The following SLC8A1 variants were observed in gnomAD, a reference collection of about 807,000 sequenced individuals.
The protein encoded by SLC8A1 is solute carrier family 8 member A1, also known as sodium/calcium exchanger 1.
In SLC8A1, 18 loss-of-function variants were observed where a neutral mutation model predicts 68.3. That is an observed-to-expected ratio of 0.26 (90% CI 0.18 to 0.39). The LOEUF is 0.39. Among genes scored for constraint, SLC8A1 ranks in the 10% least tolerant of loss-of-function variants. The probability of loss-of-function intolerance (pLI) is 1.00; values close to 1 mark genes in which losing one functional copy is unlikely to be tolerated. For missense variants in SLC8A1, 985 were observed against 1,156.7 expected (o/e 0.85, Z 2.15); for synonymous variants, 475 against 415.5 (o/e 1.14, Z -1.74).
At chr2:40,467,810 A>G (rs1423521031) in intron 1 of SLC8A1, among the ~76,000 whole-genome samples, 1 of 152,186 alleles carries the variant, frequency 6.6e-6, no homozygotes, top group Non-Finnish European at 1.5e-5. Flanking sequence ...TAATGATATT[A>G]AATTTTATGG....
chr2:40,342,137 A>G (rs1467057433), intron 2 of SLC8A1, among the ~76,000 whole-genome samples: 2 of 152,124 alleles, frequency 1.3e-5, no homozygotes, highest in African/African-American at 4.8e-5. Context: ...TTTGCCTGGT[A>G]GAGATACAAA....
chr2:40,306,266 C>G (rs1249751805), intron 2 of SLC8A1, among the ~76,000 whole-genome samples: 1 of 152,136 alleles, frequency 6.6e-6, no homozygotes, highest in Non-Finnish European at 1.5e-5. Flanking sequence ...AATGGCAGAG[C>G]TGAGAAAAGA....
chr2:40,510,577 C>T (rs1364791811), intron 1 of SLC8A1, among the ~76,000 whole-genome samples: 1 of 152,080 alleles, frequency 6.6e-6, no homozygotes, highest in African/African-American at 2.4e-5. Flanking sequence ...GAGAAGCCGG[C>T]TGGTATATAG....
At chr2:40,281,782 A>G (rs1307970863) in intron 2 of SLC8A1, among the ~76,000 whole-genome samples, 1 of 152,240 alleles carries the variant, frequency 6.6e-6, no homozygotes, top group Non-Finnish European at 1.5e-5. Flanking sequence ...ACCCATTCTC[A>G]GGGGAATTTC....
intron 2 of SLC8A1, among the ~76,000 whole-genome samples, chr2:40,273,625 C>CT (rs1468118049): frequency 6.6e-6 from 1 of 152,098 alleles, no homozygotes; most frequent in Non-Finnish European, 1.5e-5. Context: ...TATAATAGGG[C>CT]TTTTTTAAAA....
chr2:40,417,584 C>T (rs1694256011), intron 2 of SLC8A1, among the ~76,000 whole-genome samples: 1 of 152,118 alleles, frequency 6.6e-6, no homozygotes, highest in Admixed American at 6.6e-5. Flanking sequence ...TCACAGCTCA[C>T]TGCAACCTAG....
At chr2:40,294,410 G>T (rs1416408302) in intron 2 of SLC8A1, among the ~76,000 whole-genome samples, 1 of 152,070 alleles carries the variant, frequency 6.6e-6, no homozygotes, top group African/African-American at 2.4e-5. Context: ...AGTTGTAGGG[G>T]ACCACAGAGG....
chr2:40,421,999 C>T (rs1283610283), intron 2 of SLC8A1, among the ~76,000 whole-genome samples: 1 of 152,168 alleles, frequency 6.6e-6, no homozygotes, highest in East Asian at 1.9e-4. Flanking sequence ...CACCAGAAAT[C>T]CAGGGCAGGA....
intron 2 of SLC8A1, among the ~76,000 whole-genome samples, chr2:40,428,058 T>C (rs1246192459): frequency 2.0e-5 from 3 of 152,144 alleles, no homozygotes; most frequent in South Asian, 2.1e-4. Flanking sequence ...GTTTTCCCAA[T>C]TTGTACTCAG....
In SLC8A1 at chr2:40,330,314, A is replaced by G. The variant is rs1423650414; in HGVS notation, c.1808+98159T>C. 2.6e-5 allele frequency among the ~76,000 whole-genome samples: 4 copies of G among 152,312 alleles called. No individual in the cohort carries two copies. In the East Asian group the frequency reaches 7.7e-4, roughly 29 times the overall value. On this transcript the variant is annotated intron_variant, in intron 2 of 7. Transcript: ENST00000406785. The stretch of plus-strand genomic sequence containing the variant: ...GAGGATAAATGGTCATGTGTCATCA[A>G]GGCCAGTCCTTCCTGCCATTCTTTA...
At chr2:40,177,650 C>T in intron 3 of SLC8A1, 1 of 736,088 alleles carries the variant, frequency 1.4e-6, no homozygotes, top group South Asian at 1.7e-5. Flanking sequence ...AAGTATAGTA[C>T]TTGGAAGCCG....
At chr2:40,247,693 G>C (rs529648745) in intron 2 of SLC8A1, among the ~76,000 whole-genome samples, 12 of 152,064 alleles carry the variant, frequency 7.9e-5, no homozygotes, top group Non-Finnish European at 1.5e-4. Flanking sequence ...AACTGCTTAC[G>C]TATACATAGA....
At chr2:40,281,773 C>G (rs1277570541) in intron 2 of SLC8A1, among the ~76,000 whole-genome samples, 1 of 152,202 alleles carries the variant, frequency 6.6e-6, no homozygotes, top group Non-Finnish European at 1.5e-5. Context: ...TACTTCAACA[C>G]CCATTCTCAG....
At chr2:40,442,250 A>G (rs900484432) in intron 1 of SLC8A1, among the ~76,000 whole-genome samples, 2 of 151,038 alleles carry the variant, frequency 1.3e-5, no homozygotes, top group African/African-American at 2.4e-5. Context: ...TCTTTTTACT[A>G]AAAGTGATAA....
At chr2:40,380,991 G>A (rs1047401991) in intron 2 of SLC8A1, among the ~76,000 whole-genome samples, 5 of 151,968 alleles carry the variant, frequency 3.3e-5, no homozygotes, top group Non-Finnish European at 5.9e-5. Flanking sequence ...TTCAGTGTCC[G>A]AGTTTGAAGT....
intron 1 of SLC8A1, among the ~76,000 whole-genome samples, chr2:40,505,568 G>A (rs1267466411): frequency 3.9e-5 from 6 of 151,980 alleles, no homozygotes; most frequent in Middle Eastern, 3.4e-3. Flanking sequence ...TAGGTGCTAC[G>A]GAAACACAAT....
chr2:40,218,273 T>G (rs1002041618), intron 2 of SLC8A1, among the ~76,000 whole-genome samples: 8 of 152,216 alleles, frequency 5.3e-5, no homozygotes, highest in African/African-American at 1.9e-4. Context: ...TAGCTGTGCT[T>G]TCCTTTGATA....
At chr2:40,442,291 C>T (rs1396173089) in intron 1 of SLC8A1, among the ~76,000 whole-genome samples, 1 of 147,452 alleles carries the variant, frequency 6.8e-6, no homozygotes, top group Non-Finnish European at 1.5e-5. Context: ...GAAAAAGAAA[C>T]TAGCATCAGA....
In SLC8A1 at chr2:40,319,623, G is replaced by A. The variant is rs552595752; in HGVS notation, c.1808+108850C>T. Among the ~76,000 whole-genome samples, 4 of 152,128 alleles carry A rather than the reference G, an allele frequency of 2.6e-5. No homozygotes were observed. In the South Asian group the frequency reaches 6.2e-4, roughly 24 times the overall value. On this transcript the variant is annotated intron_variant, in intron 2 of 7. Coordinates refer to ENST00000406785, the Ensembl canonical transcript of SLC8A1. ...TCTCATACTCCCATATATTATATAT[G>A]AGCAGTTCCGCCTGTCACAAAGCTC...
Sources: gnomAD v4.1 joint callset for allele counts (sites outside exome capture counted in the v4.1 genomes callset) on GRCh38, gnomAD v4.1.1 for gene constraint, MANE v1.5 for transcripts, NCBI Gene and HGNC (gene_info 2026-07-23, HGNC 2026-07-21) for gene names.